Variants in DENND1A observed in about 807,000 individuals in gnomAD.
DENND1A encodes DENN domain-containing protein 1A.
A neutral mutation model predicts 113.7 loss-of-function variants in DENND1A; 51 were observed. The ratio of observed to expected loss-of-function variants is 0.45; its 90% confidence interval spans 0.36 to 0.57. The LOEUF (loss-of-function observed/expected upper bound fraction) is 0.57. Ranked by LOEUF, DENND1A falls within the 20% of genes least tolerant of loss-of-function variation. The probability of loss-of-function intolerance (pLI) is 0.00; values close to 1 mark genes in which losing one functional copy is unlikely to be tolerated. For missense variants in DENND1A, 1,258 were observed against 1,395.9 expected, an observed-to-expected ratio of 0.90 and a Z score of 1.57; for synonymous variants, 565 against 570.8, an observed-to-expected ratio of 0.99 and a Z score of 0.14.
intron 2 of DENND1A, among the ~76,000 whole-genome samples, chr9:123,830,381 G>A (rs1230038265): frequency 6.6e-6 from 1 of 152,124 alleles, no homozygotes; most frequent in Non-Finnish European, 1.5e-5. Flanking sequence ...GAGTATATGG[G>A]AAACTGAGCT....
At chr9:123,922,161 T>C (rs762306435) in intron 1 of DENND1A, among the ~76,000 whole-genome samples, 7 of 152,136 alleles carry the variant, frequency 4.6e-5, no homozygotes, top group Non-Finnish European at 7.4e-5. Context: ...CTCAACTTCC[T>C]GGACTCAAGC....
intron 12 of DENND1A, among the ~76,000 whole-genome samples, chr9:123,574,565 TTACAAAGATAG>T (rs1377139737): frequency 6.6e-6 from 1 of 152,198 alleles, no homozygotes; most frequent in Non-Finnish European, 1.5e-5. Context: ...TACAGAAAAG[TTACAAAGATAG>T]TACAAAGAGG....
chr9:123,512,327 C>T (rs1021373093), intron 13 of DENND1A, among the ~76,000 whole-genome samples: 1 of 152,210 alleles, frequency 6.6e-6, no homozygotes, highest in African/African-American at 2.4e-5. Context: ...AGGACCTCGC[C>T]TTGTGCTGGC....
At chr9:123,873,708 G>C (rs1847003424) in intron 2 of DENND1A, among the ~76,000 whole-genome samples, 1 of 151,676 alleles carries the variant, frequency 6.6e-6, no homozygotes, top group South Asian at 2.1e-4. Context: ...AATATCCTTA[G>C]TAAAGACTTA....
rs13295401 is a variant in DENND1A, at chr9:123,521,928, C to T, written c.993+35642G>A. Among the ~76,000 whole-genome samples, 604 of 152,290 alleles carry T rather than the reference C, an allele frequency of 4.0e-3. 4 individuals are homozygous for T. The highest frequency in any genetic ancestry group is 6.2e-3 in the Non-Finnish European group (421 of 68,032). ...GACAACGCATGGGAAGTGTCTAGTACGCTGCCTGGCACACAGGAGGGACAC... is the reference window on the plus strand; with the variant it reads ...GACAACGCATGGGAAGTGTCTAGTATGCTGCCTGGCACACAGGAGGGACAC... On this transcript the variant is annotated intron_variant, in intron 13 of 23. Coordinates refer to ENST00000394215, the MANE Select transcript of DENND1A (RefSeq NM_001352964.2).
chr9:123,485,233 T>C (rs886921090), intron 13 of DENND1A, among the ~76,000 whole-genome samples: 1 of 152,216 alleles, frequency 6.6e-6, no homozygotes, highest in South Asian at 2.1e-4. Context: ...AGTTAAAATC[T>C]GCTCGTGATT....
intron 2 of DENND1A, among the ~76,000 whole-genome samples, chr9:123,874,586 C>T (rs1039063342): frequency 1.3e-5 from 2 of 152,172 alleles, no homozygotes; most frequent in Admixed American, 1.3e-4. Flanking sequence ...ATGATCACGC[C>T]ACTGCACTTC....
chr9:123,416,297 A>C (rs2131643280), intron 19 of DENND1A, among the ~76,000 whole-genome samples: 1 of 152,222 alleles, frequency 6.6e-6, no homozygotes, highest in African/African-American at 2.4e-5. Flanking sequence ...GTGGCCATGG[A>C]AAAGGGAACA....
At chr9:123,909,393 A>C (rs999506587) in intron 1 of DENND1A, among the ~76,000 whole-genome samples, 1 of 149,948 alleles carries the variant, frequency 6.7e-6, no homozygotes, top group Non-Finnish European at 1.5e-5. Flanking sequence ...TAAAATATAA[A>C]ATAAAATAAA....
At chr9:123,409,706 T>C (rs2044154224) in intron 20 of DENND1A, among the ~76,000 whole-genome samples, 1 of 152,126 alleles carries the variant, frequency 6.6e-6, no homozygotes, top group Non-Finnish European at 1.5e-5. Flanking sequence ...TACCTAAGAA[T>C]GATTTGCTGA....
chr9:123,661,713 G>A (rs1245900189), intron 8 of DENND1A, among the ~76,000 whole-genome samples: 1 of 152,192 alleles, frequency 6.6e-6, no homozygotes, highest in Non-Finnish European at 1.5e-5. Flanking sequence ...GGAATGTTGA[G>A]CAGGAAAATA....
At chr9:123,716,235 A>G (rs1310835735) in intron 5 of DENND1A, among the ~76,000 whole-genome samples, 2 of 152,216 alleles carry the variant, frequency 1.3e-5, no homozygotes, top group Admixed American at 6.5e-5. Flanking sequence ...ATCTTCACAG[A>G]TCTCTACTCC....
chr9:123,723,117 C>CA, intron 5 of DENND1A, among the ~76,000 whole-genome samples: 1 of 152,258 alleles, frequency 6.6e-6, no homozygotes, highest in Non-Finnish European at 1.5e-5. Flanking sequence ...ATGTGAGACA[C>CA]GGAGTCAATG....
intron 1 of DENND1A, 117 bp from the exon 2 acceptor site, chr9:123,879,138 C>G: frequency 1.0e-6 from 1 of 980,264 alleles, no homozygotes; most frequent in South Asian, 1.5e-5. Context: ...ACTTAATGGC[C>G]GTGGAACTTT....
chr9:123,392,087 G>A (rs751176182), intron 21 of DENND1A, among the ~76,000 whole-genome samples: 16 of 152,104 alleles, frequency 1.1e-4, no homozygotes, highest in East Asian at 1.9e-4. Context: ...GTTAGCGCGC[G>A]CGTGTGACAG....
intron 5 of DENND1A, among the ~76,000 whole-genome samples, chr9:123,746,738 G>A (rs61459979): frequency 1.0e-3 from 158 of 152,168 alleles, no homozygotes; most frequent in African/African-American, 3.8e-3. Context: ...AAAAGACCTA[G>A]AATTGCAATC....
At chr9:123,385,445 G>T (rs1184361584) in intron 22 of DENND1A, among the ~76,000 whole-genome samples, 2 of 152,214 alleles carry the variant, frequency 1.3e-5, no homozygotes, top group African/African-American at 4.8e-5. Flanking sequence ...TTACAGGTGT[G>T]AGCCATTGCG....
intron 18 of DENND1A, among the ~76,000 whole-genome samples, chr9:123,445,336 G>A (rs2047223700): frequency 6.6e-6 from 1 of 152,222 alleles, no homozygotes; most frequent in African/African-American, 2.4e-5. Context: ...AGGGCCTGCT[G>A]CGGCCCAGCG....
At chr9:123,699,371 T>C (rs1001113089) in intron 5 of DENND1A, among the ~76,000 whole-genome samples, 1 of 152,148 alleles carries the variant, frequency 6.6e-6, no homozygotes, top group African/African-American at 2.4e-5. Flanking sequence ...TTTAAAAATA[T>C]ATACATTTAA....
Sources: gnomAD v4.1 joint callset for allele counts (sites outside exome capture counted in the v4.1 genomes callset) on GRCh38, gnomAD v4.1.1 for gene constraint, MANE v1.5 for transcripts, NCBI Gene and HGNC (gene_info 2026-07-23, HGNC 2026-07-21) for gene names.